The following ADCY10 variants were observed in gnomAD, a reference collection of about 807,000 sequenced individuals.
ADCY10 encodes adenylate cyclase 10.
A neutral mutation model predicts 183.3 loss-of-function variants in ADCY10; 156 were observed. The observed-to-expected ratio is 0.85, with a 90% CI of 0.75 to 0.97. The LOEUF (loss-of-function observed/expected upper bound fraction) is 0.97. Ranked by LOEUF, ADCY10 falls within the 50% of genes least tolerant of loss-of-function variation. ADCY10 has a pLI of 0.00. For missense variants in ADCY10, 1,745 were observed against 1,934.3 expected, an observed-to-expected ratio of 0.90 and a Z score of 1.84; for synonymous variants, 645 against 670.0, an observed-to-expected ratio of 0.96 and a Z score of 0.58.
Position 167,817,290 on chromosome 1 carries a change from G to A in ADCY10, c.4482+782C>T, listed in dbSNP as rs1025614866. Reference sequence around the variant, plus strand: ...TGAGGTACGAGAATTGTTTGAACCCGGGAGGCGGAGGTTGCAGTGAGTCGA... The same window carrying A: ...TGAGGTACGAGAATTGTTTGAACCCAGGAGGCGGAGGTTGCAGTGAGTCGA... On this transcript the variant is annotated intron_variant, in intron 31 of 32. Coordinates refer to ENST00000367851, the MANE Select transcript of ADCY10 (RefSeq NM_018417.6). 1.5e-3 allele frequency among the ~76,000 whole-genome samples: 223 copies of A among 152,246 alleles called. 1 individual carries two copies. The highest frequency in any genetic ancestry group is 2.2e-4 in the Non-Finnish European group (15 of 68,008).
chr1:167,891,299 G>T (rs1021604559), intron 8 of ADCY10, among the ~76,000 whole-genome samples: 2 of 151,882 alleles, frequency 1.3e-5, no homozygotes, highest in Non-Finnish European at 2.9e-5. Flanking sequence ...TGCCTCTCTG[G>T]GGTGGTGGTA....
In ADCY10 at chr1:167,893,864, T is replaced by C; in HGVS notation, c.817A>G (p.Ile273Val). The C allele has an allele frequency of 1.9e-6, 3 of 1,612,644 alleles. No homozygotes were observed. The highest frequency in any genetic ancestry group is 2.5e-6 in the Non-Finnish European group (3 of 1,179,038). ...AATTTTGAAAATACCTGCTTCAAAATGCTTTCCATCACATACTTTTGTAGG... is the reference window on the plus strand; with the variant it reads ...AATTTTGAAAATACCTGCTTCAAAACGCTTTCCATCACATACTTTTGTAGG... Reference protein sequence around the residue: ...MSLQKYVMESILKQIDNKQLQ... With the variant: ...MSLQKYVMESVLKQIDNKQLQ... Residue 273 changes from isoleucine (I) to valine (V), a missense_variant, in exon 8 of 33, where the codon ATT (isoleucine) becomes GTT (valine). By Grantham distance (29) the Ile-to-Val change is conservative (BLOSUM62 3). Transcript: ENST00000367851.
At chr1:167,888,219 T>G (rs987541242) in intron 8 of ADCY10, among the ~76,000 whole-genome samples, 12 of 152,198 alleles carry the variant, frequency 7.9e-5, no homozygotes, top group African/African-American at 2.9e-4. Flanking sequence ...TGATTCCTCC[T>G]GATTTATTCT....
At chr1:167,893,376 T>C (rs938133053) in intron 8 of ADCY10, among the ~76,000 whole-genome samples, 2 of 152,040 alleles carry the variant, frequency 1.3e-5, no homozygotes, top group African/African-American at 2.4e-5. Flanking sequence ...TTTGAAAGTA[T>C]TGAGATTTGA....
At chr1:167,821,884 C>G (rs1037072083) in intron 30 of ADCY10, 140 bp downstream of exon 30, 9 of 716,502 alleles carry the variant, frequency 1.3e-5, no homozygotes, top group Non-Finnish European at 2.0e-5. Flanking sequence ...TAACATGTCT[C>G]TCTGTGTAAA....
At chr1:167,840,760 C>A (rs939722193) in intron 21 of ADCY10, among the ~76,000 whole-genome samples, 2 of 147,200 alleles carry the variant, frequency 1.4e-5, no homozygotes, top group Non-Finnish European at 3.0e-5. Flanking sequence ...AAGAAAAAAA[C>A]ATACAAATGC....
chr1:167,855,112 G>A (rs937125733), intron 17 of ADCY10, among the ~76,000 whole-genome samples: 3 of 152,204 alleles, frequency 2.0e-5, no homozygotes, highest in Admixed American at 2.0e-4. Flanking sequence ...TCTGAGCTCA[G>A]GATTTCAAGA....
chr1:167,869,378 AGAGT>A lies in ADCY10; in HGVS notation c.1616+875_1616+878del, dbSNP rs545720201. Among the ~76,000 whole-genome samples, 61 of 152,380 alleles carry A rather than the reference AGAGT, an allele frequency of 4.0e-4. No individual in the cohort carries two copies. The South Asian group carries it at 4.6e-3, about 11-fold the overall frequency. On this transcript the variant is annotated intron_variant, in intron 14 of 32. Transcript: ENST00000367851. ...CAAGAAGGCATAAGTGGCAAAAATA[AGAGT>A]GAGAACTCCCACTAATAAAAAGTGA...
intron 13 of ADCY10, 62 bp from the exon 14 acceptor site, chr1:167,870,472 A>C (rs967473459): frequency 8.4e-5 from 119 of 1,416,268 alleles, no homozygotes; most frequent in Non-Finnish European, 1.1e-4. Flanking sequence ...TAGAGATATA[A>C]AAAGTCACAT....
At chr1:167,907,004 A>G (rs1022193860) in intron 1 of ADCY10, among the ~76,000 whole-genome samples, 1 of 152,196 alleles carries the variant, frequency 6.6e-6, no homozygotes, top group Non-Finnish European at 1.5e-5. Context: ...ACCATGGAGG[A>G]TTGAAAAGTA....
intron 21 of ADCY10, among the ~76,000 whole-genome samples, chr1:167,838,193 A>G (rs1312290772): frequency 1.3e-5 from 2 of 152,186 alleles, no homozygotes; most frequent in Non-Finnish European, 2.9e-5. Flanking sequence ...CTCCATAGAT[A>G]AGTACCCCAA....
At chr1:167,857,114 G>A (rs2102028462) in intron 16 of ADCY10, among the ~76,000 whole-genome samples, 1 of 152,316 alleles carries the variant, frequency 6.6e-6, no homozygotes, top group African/African-American at 2.4e-5. Flanking sequence ...AAAATACGGA[G>A]CCTACATTTT....
intron 24 of ADCY10, 43 bp downstream of exon 24, chr1:167,833,927 A>G (rs1261425624): frequency 6.8e-7 from 1 of 1,474,646 alleles, no homozygotes; most frequent in Non-Finnish European, 9.5e-7. Flanking sequence ...GGAAAGGCCT[A>G]AGATATATAA....
intron 9 of ADCY10, among the ~76,000 whole-genome samples, chr1:167,882,133 C>G (rs970954786): frequency 1.3e-5 from 2 of 152,220 alleles, no homozygotes; most frequent in Non-Finnish European, 2.9e-5. Flanking sequence ...GAAATCAATT[C>G]TCACATATGC....
chr1:167,877,290 C>G (rs1026054344), intron 12 of ADCY10, among the ~76,000 whole-genome samples: 2 of 149,886 alleles, frequency 1.3e-5, no homozygotes, highest in Middle Eastern at 3.4e-3. Flanking sequence ...GGTAAAGTAC[C>G]TGATGTTTAA....
chr1:167,895,037 C>T (rs1186873300), intron 7 of ADCY10, among the ~76,000 whole-genome samples: 1 of 152,052 alleles, frequency 6.6e-6, no homozygotes, highest in Non-Finnish European at 1.5e-5. Flanking sequence ...CAAAAATTAG[C>T]TGGGTGTGGT....
In ADCY10 at chr1:167,822,039, G is replaced by T; in HGVS notation, c.4271C>A (p.Ser1424Tyr). ...ACATTGTTACCAGATAGCTACAGAG[G>T]AATAAAGTCCCAGGAGGAGTCCACT... ...FHSGLLLGLYSSVAIWYARLQ... is the reference protein window; with the variant it reads ...FHSGLLLGLYYSVAIWYARLQ... Residue 1424 changes from serine to tyrosine, a missense_variant, in exon 30 of 33, where the codon TCC becomes TAC. By Grantham distance (144) the Ser-to-Tyr change is moderately radical. Transcript: ENST00000367851. 6.3e-7 allele frequency: 1 copy of T among 1,585,454 alleles called. No homozygotes were observed. The highest frequency in any genetic ancestry group is 8.7e-7 in the Non-Finnish European group (1 of 1,153,914).
rs1669240721 is a variant in ADCY10 at position 167,899,505 on chromosome 1, A to T, written c.560T>A (p.Val187Asp). The part of the protein sequence containing the change: ...LAQNMAQMND[V>D]ILSPNCWQLC... ...CTGCCAGCAGTTTGGTGACAGAATA[A>T]CATCATTCATCTGAGCCATGTTCTG... Residue 187 changes from valine to aspartate, a missense_variant, in exon 6 of 33, where the codon GTT becomes GAT. Physicochemically the swap from Val to Asp is radical, Grantham distance 152. Coordinates refer to ENST00000367851, the MANE Select transcript of ADCY10 (RefSeq NM_018417.6). The T allele has an allele frequency of 1.2e-6, 2 of 1,614,098 alleles. No homozygotes were observed. Among genetic ancestry groups the T allele is most frequent in the Non-Finnish European group, 1.7e-6 (2 of 1,180,050 alleles).
At chr1:167,862,978 A>C (rs1415042297) in intron 14 of ADCY10, among the ~76,000 whole-genome samples, 1 of 152,192 alleles carries the variant, frequency 6.6e-6, no homozygotes, top group African/African-American at 2.4e-5. Context: ...ATGAAAATAA[A>C]TAAACAACAT....
Sources: allele counts gnomAD v4.1 joint callset (sites outside exome capture counted in the v4.1 genomes callset), GRCh38; gene constraint gnomAD v4.1.1; transcripts MANE v1.5; gene names NCBI Gene and HGNC (gene_info 2026-07-23, HGNC 2026-07-21).